The following KIF26B variants were observed in gnomAD, a reference collection of about 807,000 sequenced individuals.
The protein encoded by KIF26B is kinesin family member 26B.
Under a neutral mutation model 151.2 loss-of-function variants are expected in KIF26B, and 63 were observed. The observed-to-expected ratio is 0.42, with a 90% CI of 0.34 to 0.51. KIF26B has a LOEUF of 0.51. KIF26B is among the 20% of genes least tolerant of loss of function. The pLI is 0.07. For missense variants in KIF26B, 2,813 were observed against 2,913.6 expected (o/e 0.97, Z 0.79); for synonymous variants, 1,357 against 1,262.1 (o/e 1.08, Z -1.59).
chr1:245,427,786 G>A (rs998029376), intron 4 of KIF26B, among the ~76,000 whole-genome samples: 2 of 151,852 alleles, frequency 1.3e-5, no homozygotes, highest in African/African-American at 4.8e-5. Flanking sequence ...TTTTCTCCTT[G>A]CCCCAGTGTA....
chr1:245,708,151 G>A lies in KIF26B; in HGVS notation c.*5545G>A, dbSNP rs1175875953. 6.6e-6 allele frequency: 1 copy of A among 152,240 alleles called. No homozygotes were observed. The highest frequency in any genetic ancestry group is 1.9e-4 in the East Asian group (1 of 5,198). 9.4% of individuals were successfully genotyped at this position (152,240 alleles called of 1,614,324 possible). A position where few individuals can be genotyped will look rare whatever the true frequency, so the allele number is the denominator to read the frequency against. On this transcript the variant is annotated 3_prime_UTR_variant, in exon 15 of 15. Coordinates refer to ENST00000407071, the MANE Select transcript of KIF26B (RefSeq NM_018012.4). ...GGTTGTTACTAGCTGTGCAACCTTGGGCGAGCCTCTTCGCTTTGCTGGGCC... is the reference window on the plus strand; with the variant it reads ...GGTTGTTACTAGCTGTGCAACCTTGAGCGAGCCTCTTCGCTTTGCTGGGCC...
chr1:245,477,318 C>T (rs191089415), intron 4 of KIF26B, among the ~76,000 whole-genome samples: 3 of 149,780 alleles, frequency 2.0e-5, no homozygotes, highest in East Asian at 2.0e-4. Context: ...TTCAAGCATG[C>T]ACTGTGTGCC....
chr1:245,500,249 G>C (rs1445517209), intron 4 of KIF26B, among the ~76,000 whole-genome samples: 1 of 152,178 alleles, frequency 6.6e-6, no homozygotes, highest in East Asian at 1.9e-4. Context: ...AAGCTTGACT[G>C]GCTGAGCCCT....
Position 245,687,140 on chromosome 1 carries a change from C to G in KIF26B, c.4157C>G (p.Pro1386Arg). 6.2e-7 allele frequency: 1 copy of G among 1,613,252 alleles called. No individual in the cohort carries two copies. Among genetic ancestry groups the G allele is most frequent in the Non-Finnish European group, 8.5e-7 (1 of 1,179,784 alleles). Residue 1386 changes from proline to arginine, a missense_variant, in exon 12 of 15, where the codon CCC (proline) becomes CGC (arginine). Around this residue, in one of 3 missense-constraint regions of KIF26B, gnomAD observed 2,060 missense variants for 2,088.6 expected, o/e 0.99. Transcript: ENST00000407071. This position sits in a 1 kb window ranked among gnomAD's most constrained non-coding sequence, Gnocchi z 4.9. ...CTGAGCAGCTGCGAGGGGTACATCC[C>G]CATGAAGACCAATATCACAGTTTAC... ...ANLSSCEGYI[P>R]MKTNITVYPC... is the part of the protein sequence containing the mutation.
At chr1:245,679,467 T>G (rs1483783360) in intron 10 of KIF26B, among the ~76,000 whole-genome samples, 5 of 126,584 alleles carry the variant, frequency 3.9e-5, no homozygotes, top group South Asian at 2.6e-4. Context: ...GTTTTTTTTT[T>G]TTTTTTTTTT....
Position 245,687,639 on chromosome 1 carries a change from C to T in KIF26B, c.4656C>T (p.Ser1552=), listed in dbSNP as rs1357898450. ...CCAGCCGGCAGGAGGAGCCGGACAG[C>T]CTCTCCTATTACTGCGCTGCTGAGA... ...QKASRQEEPD[S]LSYYCAAETN... is the part of the protein sequence containing the mutation. The change falls in exon 12 of 15, where the codon AGC becomes AGT. Residue 1552 remains serine, a synonymous_variant. Transcript: ENST00000407071. The surrounding 1 kb of genome is among the most constrained non-coding windows in gnomAD (Gnocchi z 4.9). The T allele has an allele frequency of 1.3e-6, 2 of 1,569,066 alleles. No homozygotes were observed. Among genetic ancestry groups the T allele is most frequent in the Admixed American group, 1.9e-5 (1 of 53,804 alleles).
Position 245,184,050 on chromosome 1 carries a change from G to GTTTTTTTTTTTTTTTTTTTTTTTTTTT in KIF26B, c.465+27386_465+27387insTTTTTTTTTTTTTTTTTTTTTTTTTTT, listed in dbSNP as rs758993117. ...GCAACAGGTATGGGTGGGAGTTGTTGTTTTTTTTTTTTTTTTTTTGAGCTT... is the reference window on the plus strand; with the variant it reads ...GCAACAGGTATGGGTGGGAGTTGTTGTTTTTTTTTTTTTTTTTTTTTTTTTTTTTTTTTTTTTTTTTTTTTTGAGCTT... On this transcript the variant is annotated intron_variant, in intron 2 of 14. Transcript: ENST00000407071. 6.6e-3 allele frequency among the ~76,000 whole-genome samples: 131 copies of GTTTTTTTTTTTTTTTTTTTTTTTTTTT among 19,792 alleles called. 35 individuals carry two copies. Among genetic ancestry groups the GTTTTTTTTTTTTTTTTTTTTTTTTTTT allele is most frequent in the Admixed American group, 0.019 (18 of 962 alleles). 13.0% of individuals were successfully genotyped at this position (19,792 alleles called of 152,430 possible). A position where few individuals can be genotyped will look rare whatever the true frequency, so the allele number is the denominator to read the frequency against.
In KIF26B at chr1:245,601,540, G is replaced by A. The variant is rs1377270306; in HGVS notation, c.1351-1037G>A. 6.6e-6 allele frequency among the ~76,000 whole-genome samples: 1 copy of A among 152,124 alleles called. No individual in the cohort carries two copies. Among genetic ancestry groups the A allele is most frequent in the East Asian group, 1.9e-4 (1 of 5,190 alleles). On this transcript the variant is annotated intron_variant, in intron 5 of 14. Transcript: ENST00000407071. The surrounding 1 kb of genome is among the most constrained non-coding windows in gnomAD (Gnocchi z 4.4). ...AGAGAGGAATTTAGAAATAATCCTTGTGCATACCTTCCGAAGTTGCCACAT... is the reference window on the plus strand; with the variant it reads ...AGAGAGGAATTTAGAAATAATCCTTATGCATACCTTCCGAAGTTGCCACAT...
At chr1:245,666,136 G>T (rs563029087) in intron 10 of KIF26B, among the ~76,000 whole-genome samples, 1 of 151,534 alleles carries the variant, frequency 6.6e-6, no homozygotes, top group South Asian at 2.1e-4. Flanking sequence ...AAGTGGCTGG[G>T]ATTACAGGCA....
intron 10 of KIF26B, among the ~76,000 whole-genome samples, chr1:245,647,933 G>A (rs2043971514): frequency 1.3e-5 from 2 of 152,196 alleles, no homozygotes; most frequent in South Asian, 4.1e-4. Flanking sequence ...TTCTATGGGA[G>A]AATATTCTGA....
At chr1:245,548,957 C>T (rs1028577572) in intron 5 of KIF26B, among the ~76,000 whole-genome samples, 1 of 152,126 alleles carries the variant, frequency 6.6e-6, no homozygotes, top group African/African-American at 2.4e-5. Flanking sequence ...GTTGGCCAGG[C>T]TGGTCAACTC....
chr1:245,455,739 A>G (rs1039871634), intron 4 of KIF26B, among the ~76,000 whole-genome samples: 1 of 152,136 alleles, frequency 6.6e-6, no homozygotes, highest in Non-Finnish European at 1.5e-5. Flanking sequence ...GCCCTGAGCA[A>G]TGCTAGACTC....
chr1:245,197,510 G>A (rs976474832), intron 2 of KIF26B, among the ~76,000 whole-genome samples: 4 of 151,954 alleles, frequency 2.6e-5, no homozygotes, highest in Non-Finnish European at 5.9e-5. Flanking sequence ...ACACACACAC[G>A]TGCTCACACA....
chr1:245,492,959 G>A (rs1346376086), intron 4 of KIF26B, among the ~76,000 whole-genome samples: 1 of 151,922 alleles, frequency 6.6e-6, no homozygotes, highest in African/African-American at 2.4e-5. Flanking sequence ...TTTTATATTT[G>A]TAGTAGAGAC....
intron 4 of KIF26B, among the ~76,000 whole-genome samples, chr1:245,425,855 G>T (rs907510858): frequency 1.3e-5 from 2 of 152,194 alleles, no homozygotes; most frequent in South Asian, 2.1e-4. Flanking sequence ...CAGTTCCATG[G>T]CGTTGGTGAG....
chr1:245,317,725 C>G (rs1269619458), intron 2 of KIF26B, among the ~76,000 whole-genome samples: 1 of 152,198 alleles, frequency 6.6e-6, no homozygotes, highest in Non-Finnish European at 1.5e-5. Context: ...CTCCTGCACA[C>G]CCTGATGCTG....
chr1:245,613,575 G>A (rs1368603541), intron 9 of KIF26B, among the ~76,000 whole-genome samples: 1 of 152,194 alleles, frequency 6.6e-6, no homozygotes, highest in Non-Finnish European at 1.5e-5. Flanking sequence ...TCCAGCCTGG[G>A]TGACAGAGCA....
At chr1:245,477,197 C>G (rs898140835) in intron 4 of KIF26B, among the ~76,000 whole-genome samples, 9 of 151,852 alleles carry the variant, frequency 5.9e-5, no homozygotes, top group Admixed American at 2.0e-4. Flanking sequence ...TAGCTCAGCC[C>G]CATTTCTCTT....
chr1:245,402,886 G>A (rs1674040636), intron 3 of KIF26B, among the ~76,000 whole-genome samples: 1 of 152,194 alleles, frequency 6.6e-6, no homozygotes, highest in South Asian at 2.1e-4. Flanking sequence ...TCATGGCTGC[G>A]AAGAGTTTTC....
Sources: allele counts gnomAD v4.1 joint callset (sites outside exome capture counted in the v4.1 genomes callset), GRCh38; gene constraint gnomAD v4.1.1; regional missense constraint gnomAD v4.1.1; non-coding constraint Gnocchi (gnomAD v3.1); transcripts MANE v1.5; gene names NCBI Gene and HGNC (gene_info 2026-07-23, HGNC 2026-07-21).